Variants in NKAIN3 observed in about 807,000 individuals in gnomAD.
The protein encoded by NKAIN3 is sodium/potassium transporting ATPase interacting 3, also known as sodium/potassium-transporting ATPase subunit beta-1-interacting protein 3.
In NKAIN3, 25 loss-of-function variants were observed where a neutral mutation model predicts 30.2. The observed-to-expected ratio is 0.83, with a 90% CI of 0.60 to 1.16. The LOEUF (loss-of-function observed/expected upper bound fraction) is 1.16. Ranked by LOEUF, NKAIN3 falls within the 50% of genes most tolerant of loss-of-function variation. The probability of loss-of-function intolerance (pLI) is 0.00; values close to 1 mark genes in which losing one functional copy is unlikely to be tolerated. For synonymous variants in NKAIN3, 91 were observed against 89.6 expected (o/e 1.02, Z -0.09); for missense variants, 225 against 254.1 (o/e 0.89, Z 0.78).
chr8:62,542,105 C>G (rs1267215562), intron 1 of NKAIN3, among the ~76,000 whole-genome samples: 1 of 152,146 alleles, frequency 6.6e-6, no homozygotes, highest in Non-Finnish European at 1.5e-5. Context: ...GCTCTTTCCC[C>G]TGAGAGTAAA....
At chr8:62,286,076 G>T (rs1585634233) in intron 1 of NKAIN3, among the ~76,000 whole-genome samples, 1 of 152,096 alleles carries the variant, frequency 6.6e-6, no homozygotes, top group Non-Finnish European at 1.5e-5. Context: ...GTAAATGTTT[G>T]TTCAATCAAA....
At chr8:62,363,331 T>C (rs1170674364) in intron 1 of NKAIN3, among the ~76,000 whole-genome samples, 1 of 152,134 alleles carries the variant, frequency 6.6e-6, no homozygotes, top group Non-Finnish European at 1.5e-5. Context: ...AGAGCTCACT[T>C]TTTGGAATGG....
intron 1 of NKAIN3, among the ~76,000 whole-genome samples, chr8:62,432,524 A>C (rs1805042581): frequency 6.6e-6 from 1 of 152,060 alleles, no homozygotes; most frequent in African/African-American, 2.4e-5. Flanking sequence ...ATCTGTGACA[A>C]AAACTGTACA....
At chr8:62,941,058 A>T (rs772559104) in intron 5 of NKAIN3, among the ~76,000 whole-genome samples, 9 of 152,098 alleles carry the variant, frequency 5.9e-5, no homozygotes, top group Admixed American at 1.3e-4. Flanking sequence ...CTCAATTAGA[A>T]ACAAAATGAG....
intron 1 of NKAIN3, among the ~76,000 whole-genome samples, chr8:62,269,676 G>A (rs1406916882): frequency 6.6e-6 from 1 of 152,010 alleles, no homozygotes; most frequent in African/African-American, 2.4e-5. Flanking sequence ...TAAACTATGT[G>A]GATCCACCTT....
intron 3 of NKAIN3, among the ~76,000 whole-genome samples, chr8:62,712,099 G>T (rs951377663): frequency 3.9e-5 from 6 of 152,290 alleles, no homozygotes; most frequent in African/African-American, 1.4e-4. Flanking sequence ...ACCATCTATG[G>T]GTTTCTCAGC....
intron 1 of NKAIN3, among the ~76,000 whole-genome samples, chr8:62,261,091 G>C (rs997242064): frequency 6.6e-6 from 1 of 152,044 alleles, no homozygotes; most frequent in African/African-American, 2.4e-5. Flanking sequence ...CACCAGGCAG[G>C]GGCTTTCTTC....
chr8:62,675,236 C>T lies in NKAIN3; in HGVS notation c.274-71696C>T, dbSNP rs75163984. On this transcript the variant is annotated intron_variant, in intron 3 of 6. Transcript: ENST00000623646. Reference sequence around the variant, plus strand: ...AAAAATTAGAAGTGATTTTTTCCCACCGTAGCAAGACCTTTATCCTGTGTC... The same window carrying T: ...AAAAATTAGAAGTGATTTTTTCCCATCGTAGCAAGACCTTTATCCTGTGTC... 6.0e-3 allele frequency among the ~76,000 whole-genome samples: 912 copies of T among 152,230 alleles called. 5 individuals carry two copies. The highest frequency in any genetic ancestry group is 0.02 in the African/African-American group (849 of 41,520).
At chr8:62,374,098 G>T (rs1228369406) in intron 1 of NKAIN3, among the ~76,000 whole-genome samples, 1 of 123,216 alleles carries the variant, frequency 8.1e-6, no homozygotes, top group African/African-American at 3.3e-5. Flanking sequence ...GGGTGACAGA[G>T]CGAGACTCCA....
chr8:62,456,242 C>A (rs951461881), intron 1 of NKAIN3, among the ~76,000 whole-genome samples: 5 of 152,154 alleles, frequency 3.3e-5, no homozygotes, highest in Middle Eastern at 3.2e-3. Context: ...AGGAAACCAG[C>A]CAGGCACAGG....
intron 4 of NKAIN3, among the ~76,000 whole-genome samples, chr8:62,806,611 A>G (rs187846796): frequency 0.011 from 1,609 of 152,188 alleles, 23 homozygotes; most frequent in South Asian, 0.031. Flanking sequence ...CAATGAGAAC[A>G]CATGGACACT....
intron 4 of NKAIN3, among the ~76,000 whole-genome samples, chr8:62,780,727 A>G (rs1817330451): frequency 6.6e-6 from 1 of 152,206 alleles, no homozygotes; most frequent in Non-Finnish European, 1.5e-5. Context: ...CATTTGATAA[A>G]ATTCAATACC....
chr8:62,860,043 A>G (rs1189460864), intron 4 of NKAIN3, among the ~76,000 whole-genome samples: 1 of 152,224 alleles, frequency 6.6e-6, no homozygotes, highest in East Asian at 1.9e-4. Context: ...ATGACCTCAG[A>G]AATGTCAGAA....
intron 3 of NKAIN3, among the ~76,000 whole-genome samples, chr8:62,660,628 G>T (rs558818479): frequency 3.9e-5 from 6 of 152,182 alleles, no homozygotes; most frequent in Admixed American, 3.9e-4. Context: ...AAGGCAAAAG[G>T]TGATAGGTTG....
intron 1 of NKAIN3, among the ~76,000 whole-genome samples, chr8:62,286,412 A>G (rs1346133168): frequency 6.6e-6 from 1 of 152,144 alleles, no homozygotes; most frequent in Admixed American, 6.6e-5. Context: ...AACAGTGCTC[A>G]TATGCCCACT....
intron 1 of NKAIN3, among the ~76,000 whole-genome samples, chr8:62,432,251 C>T (rs1429383635): frequency 6.6e-6 from 1 of 151,966 alleles, no homozygotes; most frequent in African/African-American, 2.4e-5. Context: ...AGAATCCCTG[C>T]AGAAGTGATT....
chr8:62,341,209 C>A (rs1815734698), intron 1 of NKAIN3, among the ~76,000 whole-genome samples: 2 of 151,952 alleles, frequency 1.3e-5, no homozygotes, highest in Non-Finnish European at 2.9e-5. Flanking sequence ...ATTATGAGTT[C>A]AACAGGCATT....
chr8:62,308,275 CT>C (rs1461701696), intron 1 of NKAIN3, among the ~76,000 whole-genome samples: 1 of 150,446 alleles, frequency 6.6e-6, no homozygotes, highest in African/African-American at 2.5e-5. Context: ...TCCCTCCTCA[CT>C]TGTATGACTG....
intron 1 of NKAIN3, among the ~76,000 whole-genome samples, chr8:62,388,491 A>G (rs1295200609): frequency 6.6e-6 from 1 of 152,250 alleles, no homozygotes; most frequent in East Asian, 1.9e-4. Context: ...ATGTGGTAAC[A>G]AATGGGGATG....
Sources: allele counts gnomAD v4.1 joint callset (sites outside exome capture counted in the v4.1 genomes callset), GRCh38; gene constraint gnomAD v4.1.1; transcripts MANE v1.5; gene names NCBI Gene and HGNC (gene_info 2026-07-23, HGNC 2026-07-21).